The following SNX12 variants were observed in gnomAD, a reference collection of about 807,000 sequenced individuals.
SNX12 encodes sorting nexin-12.
For missense variants in SNX12, 62 were observed against 141.3 expected (o/e 0.44, Z 2.84); for synonymous variants, 47 against 56.0 (o/e 0.84, Z 0.71).
chrX:71,067,989 C>T (rs1349104174), intron 1 of SNX12, among the ~76,000 whole-genome samples, 153 bp downstream of exon 1: 1 of 110,446 alleles, frequency 9.1e-6, no homozygotes, highest in Non-Finnish European at 1.9e-5. Flanking sequence ...ACTGAATCGG[C>T]AGACCTCGTT....
upstream of SNX12, among the ~76,000 whole-genome samples, chrX:71,071,141 G>A (rs770314524): frequency 8.0e-4 from 87 of 108,427 alleles, no homozygotes; most frequent in African/African-American, 2.6e-3. Context: ...GTATTATAAA[G>A]GGGTAGTGGA....
At chrX:71,070,787 T>C (rs1306079488), upstream of SNX12, among the ~76,000 whole-genome samples, 1 of 111,383 alleles carries the variant, frequency 9.0e-6, no homozygotes, top group Admixed American at 9.6e-5. Context: ...GGGAAATAGA[T>C]TGGCAGTATG....
chrX:71,068,422 G>C, upstream of SNX12: 3 of 619,104 alleles, frequency 4.8e-6, no homozygotes, highest in Non-Finnish European at 6.9e-6. Flanking sequence ...AGGCGGCGGC[G>C]GCGCGCACGC....
Position 71,061,964 on chromosome X carries a change from C to T in SNX12, c.265G>A (p.Val89Ile). 8.4e-7 allele frequency: 1 copy of T among 1,192,509 alleles called. No homozygotes were observed. Among genetic ancestry groups the T allele is most frequent in the Non-Finnish European group, 1.1e-6 (1 of 889,250 alleles). Residue 89 changes from valine (V) to isoleucine (I), a missense_variant, in exon 3 of 4, where the codon GTA becomes ATA. Coordinates refer to ENST00000374274, the MANE Select transcript of SNX12 (RefSeq NM_013346.4). ...KNELERDSKI[V>I]VPPLPGKALK... Reference sequence around the variant, plus strand: ...GCTTTCCCAGGCAGTGGTGGTACTACAATCTGCAGGCACACACAAAATTCC... The same window carrying T: ...GCTTTCCCAGGCAGTGGTGGTACTATAATCTGCAGGCACACACAAAATTCC...
upstream of SNX12, among the ~76,000 whole-genome samples, chrX:71,072,906 TACACACACACACAC>T (rs59544159): frequency 2.0e-3 from 206 of 101,442 alleles, no homozygotes; most frequent in African/African-American, 6.3e-3. Context: ...CTGGCTTCCA[TACACACACACACAC>T]ACACACACAC....
chrX:71,072,545 G>A (rs1392185720), upstream of SNX12, among the ~76,000 whole-genome samples: 2 of 111,417 alleles, frequency 1.8e-5, no homozygotes, highest in African/African-American at 6.5e-5. Flanking sequence ...AGGTAAAGAA[G>A]TGGAAACATT....
At chrX:71,072,257 T>TG (rs1297197295), upstream of SNX12, among the ~76,000 whole-genome samples, 1 of 102,938 alleles carries the variant, frequency 9.7e-6, no homozygotes, top group African/African-American at 3.6e-5. Flanking sequence ...GACTCCATCT[T>TG]GGGGAAAAAA....
intron 1 of SNX12, 98 bp from the exon 2 acceptor site, chrX:71,063,047 C>T (rs913795799): frequency 7.4e-6 from 4 of 542,879 alleles, no homozygotes; most frequent in Admixed American, 2.7e-5. Context: ...GAAGAAATAG[C>T]TCCTATGGAT....
At chrX:71,067,366 G>A (rs749339214) in intron 1 of SNX12, among the ~76,000 whole-genome samples, 2 of 111,957 alleles carry the variant, frequency 1.8e-5, no homozygotes, top group Non-Finnish European at 3.8e-5. Context: ...GTACCTAAAC[G>A]AGAGTCAATA....
At chrX:71,071,517 T>TTA (rs1230620708), upstream of SNX12, among the ~76,000 whole-genome samples, 12 of 45,874 alleles carry the variant, frequency 2.6e-4, no homozygotes, top group East Asian at 6.0e-4. Flanking sequence ...ATATATTAAT[T>TTA]TATATATATA....
intron 2 of SNX12, among the ~76,000 whole-genome samples, chrX:71,062,368 C>CTTTTTTTTTT (rs761195647): frequency 1.4e-5 from 1 of 71,396 alleles, no homozygotes; most frequent in African/African-American, 6.0e-5. Context: ...TTACCACTTT[C>CTTTTTTTTTT]TTTTTTTTTT....
At chrX:71,062,015 G>C in intron 2 of SNX12, 48 bp from the exon 3 acceptor site, 1 of 1,132,581 alleles carries the variant, frequency 8.8e-7, no homozygotes, top group Non-Finnish European at 1.2e-6. Flanking sequence ...AGACAGAGTG[G>C]GAATGAGATG....
At chrX:71,062,004 G>C in intron 2 of SNX12, 37 bp from the exon 3 acceptor site, 1 of 1,163,931 alleles carries the variant, frequency 8.6e-7, no homozygotes, top group Non-Finnish European at 1.1e-6. Context: ...ACATGGGAGA[G>C]AGACAGAGTG....
chrX:71,063,967 T>C (rs906670997), intron 1 of SNX12, among the ~76,000 whole-genome samples: 3 of 111,386 alleles, frequency 2.7e-5, no homozygotes, highest in Admixed American at 1.9e-4. Context: ...GAACAGTATA[T>C]ATATATAGCT....
intron 1 of SNX12, among the ~76,000 whole-genome samples, chrX:71,065,357 C>CAAAA (rs34405331): frequency 0.01 from 567 of 56,067 alleles, 8 homozygotes; most frequent in Middle Eastern, 0.013. Context: ...GACTTTGTCT[C>CAAAA]AAAAAAAAAA....
chrX:71,061,457 G>C (rs981186252), intron 3 of SNX12, among the ~76,000 whole-genome samples: 4 of 112,540 alleles, frequency 3.6e-5, no homozygotes, highest in Admixed American at 9.4e-5. Flanking sequence ...GGTGAGCTGG[G>C]TGCGGTGGCT....
chrX:71,060,678 A>G lies in SNX12; in HGVS notation c.*338T>C, dbSNP rs953080419. ...CCCTGAACTTGCAGCATCAGTATGTATCCAAGTGCCTCACCAGCACAAGCG... is the reference window on the plus strand; with the variant it reads ...CCCTGAACTTGCAGCATCAGTATGTGTCCAAGTGCCTCACCAGCACAAGCG... On this transcript the variant is annotated 3_prime_UTR_variant, in exon 4 of 4. Transcript: ENST00000374274. The G allele has an allele frequency of 1.2e-3, 306 of 251,281 alleles. 1 individual carries two copies. Among genetic ancestry groups the G allele is most frequent in the African/African-American group, 8.0e-3 (288 of 35,866 alleles). 20.7% of individuals were successfully genotyped at this position (251,281 alleles called of 1,213,427 possible).
In SNX12 at chrX:71,068,301, C is replaced by A. The variant is rs1319218139; in HGVS notation, c.6G>T (p.Ser2=). The stretch of plus-strand genomic sequence containing the variant: ...GCCGGGTATCAGCTACTGCCGTGTC[C>A]GACATCTTTCCGAAGGAGAGCCTGG... The part of the protein sequence containing the change: M[S]DTAVADTRRL... Residue 2 remains serine (S), a synonymous_variant, in exon 1 of 4, where the codon TCG becomes TCT. Coordinates refer to ENST00000374274, the MANE Select transcript of SNX12 (RefSeq NM_013346.4). The A allele has an allele frequency of 8.4e-7, 1 of 1,197,229 alleles. No homozygotes were observed.
At chrX:71,071,604 T>TATATATAAATATATAATATTTATATATTA (rs1556315657), upstream of SNX12, among the ~76,000 whole-genome samples, 139 of 31,951 alleles carry the variant, frequency 4.4e-3, no homozygotes, top group African/African-American at 0.014. Flanking sequence ...TTTATATATA[T>TATATATAAATATATAATATTTATATATTA]TATATATAAA....
Sources: gnomAD v4.1 joint callset for allele counts (sites outside exome capture counted in the v4.1 genomes callset) on GRCh38, gnomAD v4.1.1 for gene constraint, MANE v1.5 for transcripts, NCBI Gene and HGNC (gene_info 2026-07-23, HGNC 2026-07-21) for gene names.